Variants in PELI2 observed in about 807,000 individuals in gnomAD.
PELI2 encodes pellino E3 ubiquitin protein ligase family member 2.
In PELI2, 23 loss-of-function variants were observed where a neutral mutation model predicts 42.3. The observed-to-expected ratio is 0.54, with a 90% CI of 0.39 to 0.77. The LOEUF is 0.77. Ranked by LOEUF, PELI2 falls within the 30% of genes least tolerant of loss-of-function variation. The pLI, the probability that PELI2 is intolerant of heterozygous loss-of-function variation, is 0.00. For missense variants in PELI2, 463 were observed against 553.2 expected (o/e 0.84, Z 1.64); for synonymous variants, 245 against 212.2 (o/e 1.15, Z -1.34).
At chr14:56,231,628 TA>T (rs1887575758) in intron 2 of PELI2, among the ~76,000 whole-genome samples, 1 of 152,214 alleles carries the variant, frequency 6.6e-6, no homozygotes, top group African/African-American at 2.4e-5. Flanking sequence ...GGGAAGTTTA[TA>T]GCACTAAATG....
At chr14:56,218,257 G>A (rs909609954) in intron 2 of PELI2, among the ~76,000 whole-genome samples, 2 of 152,216 alleles carry the variant, frequency 1.3e-5, no homozygotes, top group African/African-American at 2.4e-5. Context: ...CTAAAAAGTA[G>A]CTAGCAGCTT....
At chr14:56,168,673 C>A (rs1281104900) in intron 1 of PELI2, among the ~76,000 whole-genome samples, 1 of 152,036 alleles carries the variant, frequency 6.6e-6, no homozygotes, top group Non-Finnish European at 1.5e-5. Context: ...CCCCCTGTGG[C>A]CGTGCTGGTA....
chr14:56,186,248 G>A (rs1885765956), intron 2 of PELI2, among the ~76,000 whole-genome samples: 1 of 152,114 alleles, frequency 6.6e-6, no homozygotes, highest in African/African-American at 2.4e-5. Flanking sequence ...AACAGCCCTG[G>A]CAGCTGTCCA....
intron 2 of PELI2, among the ~76,000 whole-genome samples, chr14:56,185,430 A>G (rs1005221537): frequency 7.9e-5 from 12 of 152,160 alleles, no homozygotes; most frequent in African/African-American, 2.4e-4. Context: ...TTTCTTTCAA[A>G]CCACCTAAGT....
At position 56,218,728 on chromosome 14, in the gene PELI2, T is replaced by TGAGA. The variant is rs575121511; in HGVS notation, c.207+40274_207+40277dup. On this transcript the variant is annotated intron_variant, in intron 2 of 5. Coordinates refer to ENST00000267460, the MANE Select transcript of PELI2 (RefSeq NM_021255.3). ...GTGTGTGTGTGTGTGTGTGTGTGTT[T>TGAGA]GAGAGAGAGAGAGGTTGGTGGGGAA... 6.3e-3 allele frequency among the ~76,000 whole-genome samples: 951 copies of TGAGA among 151,194 alleles called. 9 individuals are homozygous for TGAGA. The highest frequency in any genetic ancestry group is 0.022 in the African/African-American group (890 of 41,264).
intron 2 of PELI2, among the ~76,000 whole-genome samples, chr14:56,185,972 A>G (rs941604224): frequency 2.0e-5 from 3 of 152,172 alleles, no homozygotes; most frequent in Non-Finnish European, 4.4e-5. Flanking sequence ...CTGTGAATAT[A>G]TTACCTTACA....
At chr14:56,222,679 A>G (rs1887186547) in intron 2 of PELI2, among the ~76,000 whole-genome samples, 1 of 152,238 alleles carries the variant, frequency 6.6e-6, no homozygotes, top group Non-Finnish European at 1.5e-5. Context: ...TAGTTTGTAC[A>G]TATTAGAAAA....
Position 56,288,460 on chromosome 14 carries a change from T to C in PELI2, c.333T>C (p.Pro111=). The stretch of plus-strand genomic sequence containing the variant: ...AGGTGGGCAGATCAACAGAAAGCCC[T>C]ATCGACTTCGTTGTCACAGACACGA... ...MFQVGRSTES[P]IDFVVTDTIS... Residue 111 remains proline (P), a synonymous_variant, in exon 4 of 6, where the codon CCT becomes CCC. Coordinates refer to ENST00000267460, the MANE Select transcript of PELI2 (RefSeq NM_021255.3). This position sits in a 1 kb window ranked among gnomAD's most constrained non-coding sequence, Gnocchi z 4.6. 6.2e-7 allele frequency: 1 copy of C among 1,613,982 alleles called. No individual in the cohort carries two copies. Among genetic ancestry groups the C allele is most frequent in the Middle Eastern group, 1.6e-4 (1 of 6,062 alleles).
At chr14:56,200,553 A>C (rs184720473) in intron 2 of PELI2, among the ~76,000 whole-genome samples, 1 of 152,356 alleles carries the variant, frequency 6.6e-6, no homozygotes, top group African/African-American at 2.4e-5. Context: ...ACCAAGAAGG[A>C]AGGAAATCTC....
At chr14:56,192,121 C>G (rs1885967822) in intron 2 of PELI2, among the ~76,000 whole-genome samples, 1 of 152,226 alleles carries the variant, frequency 6.6e-6, no homozygotes, top group Non-Finnish European at 1.5e-5. Context: ...TCCCAAAGTG[C>G]TGGGATTACA....
intron 2 of PELI2, among the ~76,000 whole-genome samples, chr14:56,182,849 T>G (rs979327980): frequency 2.0e-5 from 3 of 152,170 alleles, no homozygotes; most frequent in African/African-American, 7.2e-5. Flanking sequence ...TAGCTGATTT[T>G]GTAGGATGTG....
At chr14:56,234,164 T>G (rs2139777932) in intron 2 of PELI2, among the ~76,000 whole-genome samples, 1 of 152,332 alleles carries the variant, frequency 6.6e-6, no homozygotes, top group South Asian at 2.1e-4. Context: ...GACTGTAAAC[T>G]AGTTCAACCA....
At position 56,190,040 on chromosome 14, in the gene PELI2, T is replaced by C. The variant is rs1594623725; in HGVS notation, c.207+11576T>C. ...GCTAACATTAGTTTCATTTCTTGCA[T>C]TTTGAACAAAGAGTTGTGTATTTTT... On this transcript the variant is annotated intron_variant, in intron 2 of 5. Transcript: ENST00000267460. Among the ~76,000 whole-genome samples the C allele has an allele frequency of 2.0e-5, 3 of 152,240 alleles. No homozygotes were observed. The East Asian group carries it at 5.8e-4, about 29-fold the overall frequency.
chr14:56,170,321 C>T (rs568165607), intron 1 of PELI2, among the ~76,000 whole-genome samples: 13 of 152,180 alleles, frequency 8.5e-5, no homozygotes, highest in African/African-American at 2.4e-4. Context: ...TAAGATAAAC[C>T]GTGACGTCTC....
At chr14:56,271,949 C>T (rs1485348233) in intron 2 of PELI2, among the ~76,000 whole-genome samples, 1 of 152,188 alleles carries the variant, frequency 6.6e-6, no homozygotes, top group African/African-American at 2.4e-5. Context: ...GTGCAGTGGG[C>T]AGCCTCAGAG....
At position 56,299,207 on chromosome 14, in the gene PELI2, G is replaced by GA. The variant is rs1349715929; in HGVS notation, c.*2048dup. 1 of 151,926 alleles carries GA rather than the reference G, an allele frequency of 6.6e-6. No homozygotes were observed. The highest frequency in any genetic ancestry group is 1.9e-4 in the East Asian group (1 of 5,166). 9.4% of individuals were successfully genotyped at this position (151,926 alleles called of 1,614,324 possible). A position where few individuals can be genotyped will look rare whatever the true frequency, so the allele number is the denominator to read the frequency against. The stretch of plus-strand genomic sequence containing the variant: ...AGAAAGGCCAGATTTTACCTACCAA[G>GA]AAAAAAAGATATTTTTCCAGAGAGT... On this transcript the variant is annotated 3_prime_UTR_variant, in exon 6 of 6. Coordinates refer to ENST00000267460, the MANE Select transcript of PELI2 (RefSeq NM_021255.3).
In PELI2 at chr14:56,296,934, AT is replaced by A; in HGVS notation, c.1032del (p.Tyr344Ter). 1 of 1,614,068 alleles carries A rather than the reference AT, an allele frequency of 6.2e-7. No individual in the cohort carries two copies. Among genetic ancestry groups the A allele is most frequent in the Non-Finnish European group, 8.5e-7 (1 of 1,179,994 alleles). ...ECPMCRTVGP[Y>X]VPLWLGCEAG... ...CCCATGTGCAGGACTGTGGGCCCCT[AT>A]GTGCCTCTCTGGCTTGGCTGTGAGG... On this transcript the variant is annotated frameshift_variant, in exon 6 of 6. Transcript: ENST00000267460. LOFTEE classifies it high-confidence loss of function.
chr14:56,220,001 T>A (rs1366908766), intron 2 of PELI2, among the ~76,000 whole-genome samples: 4 of 152,192 alleles, frequency 2.6e-5, no homozygotes, highest in African/African-American at 9.7e-5. Flanking sequence ...GGGAATCATA[T>A]CATAAACAGT....
At chr14:56,282,533 G>A (rs895132154) in intron 3 of PELI2, among the ~76,000 whole-genome samples, 1 of 151,936 alleles carries the variant, frequency 6.6e-6, no homozygotes, top group Non-Finnish European at 1.5e-5. Flanking sequence ...TATACAGGGA[G>A]ATATTTTACA....
Sources: allele counts gnomAD v4.1 joint callset (sites outside exome capture counted in the v4.1 genomes callset), GRCh38; gene constraint gnomAD v4.1.1; non-coding constraint Gnocchi (gnomAD v3.1); transcripts MANE v1.5; gene names NCBI Gene and HGNC (gene_info 2026-07-23, HGNC 2026-07-21).